The following ANKH variants were observed in gnomAD, a reference collection of about 807,000 sequenced individuals.
ANKH encodes the protein ANKH inorganic pyrophosphate transport regulator.
ANKH carries 15 observed loss-of-function variants against 49.0 expected under a neutral mutation model. The ratio of observed to expected loss-of-function variants is 0.31; its 90% CI spans 0.20 to 0.47. The LOEUF (loss-of-function observed/expected upper bound fraction) is 0.47, where lower values mean the gene tolerates loss of function less well. Among genes scored for constraint, ANKH ranks in the 20% least tolerant of loss-of-function variants. The probability of loss-of-function intolerance (pLI) is 1.00; values close to 1 mark genes in which losing one functional copy is unlikely to be tolerated. For missense variants in ANKH, 429 were observed against 652.0 expected, an observed-to-expected ratio of 0.66 and a Z score of 3.72; for synonymous variants, 273 against 260.0, an observed-to-expected ratio of 1.05 and a Z score of -0.48.
At chr5:14,848,717 C>T (rs1742039833) in intron 1 of ANKH, among the ~76,000 whole-genome samples, 1 of 152,154 alleles carries the variant, frequency 6.6e-6, no homozygotes, top group Non-Finnish European at 1.5e-5. Flanking sequence ...TGCTGGGTTC[C>T]ACGGTTCTCT....
At position 14,710,159 on chromosome 5, in the gene ANKH, T is replaced by C. The variant is rs764215252; in HGVS notation, c.*1038A>G. On this transcript the variant is annotated 3_prime_UTR_variant, in exon 12 of 12. Coordinates refer to ENST00000284268, the MANE Select transcript of ANKH (RefSeq NM_054027.6). Reference sequence around the variant, plus strand: ...GTACCGTAGTACATTCTCAATTACCTGTACCGCAGAGTTATGACTAAGGAT... The same window carrying C: ...GTACCGTAGTACATTCTCAATTACCCGTACCGCAGAGTTATGACTAAGGAT... 2.6e-5 allele frequency: 4 copies of C among 152,220 alleles called. No individual in the cohort carries two copies. Among genetic ancestry groups the C allele is most frequent in the Non-Finnish European group, 5.9e-5 (4 of 68,040 alleles). The allele number at this position is 152,220 out of a possible 1,614,324, so 9.4% of individuals were successfully genotyped here.
At position 14,850,577 on chromosome 5, in the gene ANKH, C is replaced by T. The variant is rs529139866; in HGVS notation, c.96+20775G>A. Among the ~76,000 whole-genome samples the T allele has an allele frequency of 2.6e-5, 4 of 152,324 alleles. No homozygotes were observed. In the Middle Eastern group the frequency reaches 0.01, roughly 389 times the overall value. On this transcript the variant is annotated intron_variant, in intron 1 of 11. Transcript: ENST00000284268. ...CACCTCAGCCCCCCTCCGGGGTTCACGGTAAGATGGGGACAGAGTGTGGCA... is the reference window on the plus strand; with the variant it reads ...CACCTCAGCCCCCCTCCGGGGTTCATGGTAAGATGGGGACAGAGTGTGGCA...
intron 1 of ANKH, among the ~76,000 whole-genome samples, chr5:14,793,342 T>C (rs1047503964): frequency 6.6e-6 from 1 of 151,622 alleles, no homozygotes; most frequent in African/African-American, 2.4e-5. Context: ...CACTCAGTCA[T>C]AGCCAAAGAC....
intron 8 of ANKH, among the ~76,000 whole-genome samples, chr5:14,728,173 C>G (rs867041995): frequency 6.6e-6 from 1 of 152,260 alleles, no homozygotes; most frequent in African/African-American, 2.4e-5. Context: ...GCCAACAGCG[C>G]TCCATATGTG....
intron 8 of ANKH, among the ~76,000 whole-genome samples, chr5:14,717,457 T>TG (rs1172730735): frequency 1.3e-5 from 2 of 152,204 alleles, no homozygotes; most frequent in Non-Finnish European, 2.9e-5. Context: ...TTGAACCCGA[T>TG]GGGGAAAGTG....
chr5:14,770,457 A>T lies in ANKH; in HGVS notation c.97-1266T>A, dbSNP rs1380892330. On this transcript the variant is annotated intron_variant, in intron 1 of 11. Transcript: ENST00000284268. This position sits in a 1 kb window ranked among gnomAD's most constrained non-coding sequence, Gnocchi z 4.1. Reference sequence around the variant, plus strand: ...TTTTTCCTATATATACATACCTATGAGAAAGTTTAATTTATAAATTAGGCA... The same window carrying T: ...TTTTTCCTATATATACATACCTATGTGAAAGTTTAATTTATAAATTAGGCA... Among the ~76,000 whole-genome samples the T allele has an allele frequency of 1.5e-4, 23 of 152,202 alleles. No individual in the cohort carries two copies. The highest frequency in any genetic ancestry group is 1.9e-4 in the East Asian group (1 of 5,200).
intron 1 of ANKH, among the ~76,000 whole-genome samples, chr5:14,859,925 T>C (rs571804320): frequency 1.4e-4 from 21 of 152,264 alleles, no homozygotes; most frequent in Non-Finnish European, 2.8e-4. Flanking sequence ...TTGGCAGGTC[T>C]CTACTATACC....
In ANKH at chr5:14,779,952, T is replaced by C. The variant is rs577446025; in HGVS notation, c.97-10761A>G. Among the ~76,000 whole-genome samples, 12 of 152,164 alleles carry C rather than the reference T, an allele frequency of 7.9e-5. No homozygotes were observed. The East Asian group carries it at 1.2e-3, about 15-fold the overall frequency. ...TTTTTCAACTCTTTTTGGATGTCAA[T>C]TGGGATAGAGGACAAGCTGTTCCAT... On this transcript the variant is annotated intron_variant, in intron 1 of 11. Transcript: ENST00000284268.
At chr5:14,730,955 C>T (rs927098496) in intron 8 of ANKH, among the ~76,000 whole-genome samples, 1 of 152,168 alleles carries the variant, frequency 6.6e-6, no homozygotes, top group Non-Finnish European at 1.5e-5. Flanking sequence ...CTGTCTGTGC[C>T]AGGGAGAGGT....
At chr5:14,798,550 T>C (rs1740465267) in intron 1 of ANKH, 3 of 626,014 alleles carry the variant, frequency 4.8e-6, no homozygotes, top group East Asian at 2.8e-5. Context: ...AGCAAGTCTA[T>C]TGGCACCATT....
At chr5:14,805,187 G>C (rs1740667694) in intron 1 of ANKH, among the ~76,000 whole-genome samples, 1 of 151,808 alleles carries the variant, frequency 6.6e-6, no homozygotes, top group Non-Finnish European at 1.5e-5. Context: ...ATATGAAAAG[G>C]AGAGACTGGC....
intron 8 of ANKH, among the ~76,000 whole-genome samples, chr5:14,734,851 G>A (rs1738125196): frequency 1.3e-5 from 2 of 152,170 alleles, no homozygotes; most frequent in South Asian, 4.2e-4. Flanking sequence ...CCCTTTATAA[G>A]GTTCAAGTGG....
chr5:14,712,807 G>A, intron 11 of ANKH, 67 bp downstream of exon 11: 2 of 1,451,044 alleles, frequency 1.4e-6, no homozygotes, highest in East Asian at 4.9e-5. Flanking sequence ...CTGGTCAGTG[G>A]CTGCTCAGGT....
rs1182748666 is a variant in ANKH, at chr5:14,709,392, A to AC, written c.*1804_*1805insG. The AC allele has an allele frequency of 6.6e-6, 1 of 152,224 alleles. No homozygotes were observed. 9.4% of individuals were successfully genotyped at this position (152,224 alleles called of 1,614,324 possible). Reference sequence around the variant, plus strand: ...TTAATTTTTCAGTACTCATATATGTATTAATGGAGGAAAAGCCACTCTGAG... The same window carrying AC: ...TTAATTTTTCAGTACTCATATATGTACTTAATGGAGGAAAAGCCACTCTGAG... On this transcript the variant is annotated 3_prime_UTR_variant, in exon 12 of 12. Coordinates refer to ENST00000284268, the MANE Select transcript of ANKH (RefSeq NM_054027.6).
At chr5:14,719,764 G>T (rs1737604143) in intron 8 of ANKH, among the ~76,000 whole-genome samples, 1 of 152,162 alleles carries the variant, frequency 6.6e-6, no homozygotes, top group Non-Finnish European at 1.5e-5. Flanking sequence ...GGGACAGGGT[G>T]GAAGTGAGCA....
At chr5:14,757,430 A>ATATATATATATTTTTT (rs1379233165) in intron 3 of ANKH, among the ~76,000 whole-genome samples, 1 of 113,814 alleles carries the variant, frequency 8.8e-6, no homozygotes, top group African/African-American at 3.3e-5. Context: ...ATATATATAT[A>ATATATATATATTTTTT]TTTTTTTTTT....
intron 1 of ANKH, among the ~76,000 whole-genome samples, chr5:14,822,183 T>C (rs918072199): frequency 9.2e-5 from 14 of 152,250 alleles, no homozygotes; most frequent in African/African-American, 3.4e-4. Flanking sequence ...GCTGTATGTG[T>C]AAATACACAC....
At chr5:14,812,769 TAGTA>T (rs1177877189) in intron 1 of ANKH, among the ~76,000 whole-genome samples, 1 of 152,214 alleles carries the variant, frequency 6.6e-6, no homozygotes, top group Non-Finnish European at 1.5e-5. Context: ...CTTACAGTTT[TAGTA>T]AGTGTCAGAA....
chr5:14,790,642 C>G (rs1279273966), intron 1 of ANKH, among the ~76,000 whole-genome samples: 6 of 152,322 alleles, frequency 3.9e-5, no homozygotes, highest in Non-Finnish European at 8.8e-5. Context: ...GAGTCTCACT[C>G]TGTCGCCCAG....
Sources: allele counts gnomAD v4.1 joint callset (sites outside exome capture counted in the v4.1 genomes callset), GRCh38; gene constraint gnomAD v4.1.1; non-coding constraint Gnocchi (gnomAD v3.1); transcripts MANE v1.5; gene names NCBI Gene and HGNC (gene_info 2026-07-23, HGNC 2026-07-21).